Variants in LIPH observed in about 807,000 individuals in gnomAD.
The protein encoded by LIPH is lipase member H.
In LIPH, 32 loss-of-function variants were observed where a neutral mutation model predicts 47.6. The observed-to-expected ratio is 0.67, with a 90% CI of 0.51 to 0.90. The LOEUF is 0.90. Ranked by LOEUF, LIPH falls within the 40% of genes least tolerant of loss-of-function variation. The probability of loss-of-function intolerance (pLI) is 0.00; values close to 1 mark genes in which losing one functional copy is unlikely to be tolerated. For missense variants in LIPH, 497 were observed against 541.4 expected (o/e 0.92, Z 0.81); for synonymous variants, 190 against 195.6 (o/e 0.97, Z 0.24).
At position 185,533,610 on chromosome 3, in the gene LIPH, C is replaced by G; in HGVS notation, c.487G>C (p.Val163Leu). The stretch of plus-strand genomic sequence containing the variant: ...AGCCATCCATCGTACATCTCTCCAA[C>G]AAACCCAGATATGTGGGCTCCTAGA... Reference protein sequence around the residue: ...VSLGAHISGFVGEMYDGWLGR... With the variant: ...VSLGAHISGFLGEMYDGWLGR... The change falls in exon 3 of 10, where the codon GTT becomes CTT. Residue 163 changes from valine (V) to leucine (L), a missense_variant. Physicochemically the swap from Val to Leu is conservative, Grantham distance 32. Coordinates refer to ENST00000296252, the MANE Select transcript of LIPH (RefSeq NM_139248.3). The G allele has an allele frequency of 6.2e-7, 1 of 1,613,996 alleles. No homozygotes were observed. Among genetic ancestry groups the G allele is most frequent in the Non-Finnish European group, 8.5e-7 (1 of 1,179,892 alleles).
At chr3:185,538,301 CTA>C (rs1720562766) in intron 1 of LIPH, among the ~76,000 whole-genome samples, 2 of 152,250 alleles carry the variant, frequency 1.3e-5, no homozygotes, top group South Asian at 4.1e-4. Context: ...ATCCTAGATT[CTA>C]TGTCAGGTGG....
At chr3:185,530,120 G>T (rs1036961807) in intron 3 of LIPH, among the ~76,000 whole-genome samples, 3 of 152,156 alleles carry the variant, frequency 2.0e-5, no homozygotes, top group African/African-American at 7.2e-5. Flanking sequence ...TGAGGCTGCA[G>T]TGTGCTGTGA....
chr3:185,544,862 A>C (rs1340540809), intron 1 of LIPH, among the ~76,000 whole-genome samples: 3 of 152,134 alleles, frequency 2.0e-5, no homozygotes, highest in Non-Finnish European at 4.4e-5. Context: ...TCAACCTGCT[A>C]GCATGTTCTG....
Position 185,514,509 on chromosome 3 carries a change from A to G in LIPH, c.995T>C (p.Phe332Ser), listed in dbSNP as rs756417269. 6.9e-6 allele frequency: 9 copies of G among 1,296,678 alleles called. No individual in the cohort carries two copies. The East Asian group carries it at 1.4e-4, about 20-fold the overall frequency. The allele number at this position is 1,296,678 out of a possible 1,614,324, so 80.3% of individuals were successfully genotyped here. A position where few individuals can be genotyped will look rare whatever the true frequency, so the allele number is the denominator to read the frequency against. ...CTTGTTCCATGTTATAATATCCACAAAGTAATGATACACTGCAAAACAGAG... is the reference window on the plus strand; with the variant it reads ...CTTGTTCCATGTTATAATATCCACAGAGTAATGATACACTGCAAAACAGAG... ...EESPFCMYHY[F>S]VDIITWNKNV... Residue 332 changes from phenylalanine to serine, a missense_variant, in exon 8 of 10, where the codon TTT becomes TCT. Physicochemically the swap from Phe to Ser is radical, Grantham distance 155 (BLOSUM62 -2). Transcript: ENST00000296252.
intron 1 of LIPH, among the ~76,000 whole-genome samples, chr3:185,536,760 A>T (rs371570978): frequency 6.6e-6 from 1 of 152,226 alleles, no homozygotes; most frequent in African/African-American, 2.4e-5. Context: ...TGTTGGTTAC[A>T]CTTAAATTCA....
chr3:185,547,070 G>A (rs767314895), intron 1 of LIPH: 6 of 332,070 alleles, frequency 1.8e-5, no homozygotes, highest in Admixed American at 8.7e-5. Flanking sequence ...GAACCCGGGA[G>A]GCGGAGGTTG....
intron 1 of LIPH, among the ~76,000 whole-genome samples, chr3:185,544,620 G>C (rs1368812892): frequency 6.6e-6 from 1 of 152,184 alleles, no homozygotes; most frequent in African/African-American, 2.4e-5. Flanking sequence ...TGCCCAAGGT[G>C]CTGGGATTAC....
intron 1 of LIPH, among the ~76,000 whole-genome samples, chr3:185,537,070 A>G (rs1021507851): frequency 1.3e-5 from 2 of 152,274 alleles, no homozygotes; most frequent in East Asian, 3.9e-4. Context: ...TTTTTAGTAG[A>G]GACAGGGTTT....
chr3:185,537,296 C>G (rs1330093055), intron 1 of LIPH, among the ~76,000 whole-genome samples: 1 of 151,990 alleles, frequency 6.6e-6, no homozygotes, highest in Non-Finnish European at 1.5e-5. Flanking sequence ...GAGACTCTAG[C>G]TCTTAAAAAA....
At chr3:185,520,925 A>G (rs930305989) in intron 5 of LIPH, among the ~76,000 whole-genome samples, 4 of 145,488 alleles carry the variant, frequency 2.7e-5, no homozygotes, top group African/African-American at 1.0e-4. Flanking sequence ...GCTGGAGTGC[A>G]GTGGCATGAT....
At position 185,534,758 on chromosome 3, in the gene LIPH, C is replaced by A. The variant is rs745562135; in HGVS notation, c.417+7G>T. On this transcript the variant is annotated splice_region_variant and intron_variant, in intron 2 of 9. Coordinates refer to ENST00000296252, the MANE Select transcript of LIPH (RefSeq NM_139248.3). ...TAGCTCTGAATCATCTAAGAGAATT[C>A]TCTTACCAACATCTGGTCAATAAAT... is the stretch of plus-strand genomic sequence containing the variant. The A allele has an allele frequency of 1.9e-6, 3 of 1,612,944 alleles. No homozygotes were observed. The highest frequency in any genetic ancestry group is 2.7e-5 in the African/African-American group (2 of 74,914).
At chr3:185,547,129 A>C (rs1358029737) in intron 1 of LIPH, among the ~76,000 whole-genome samples, 1 of 148,026 alleles carries the variant, frequency 6.8e-6, no homozygotes, top group Non-Finnish European at 1.5e-5. Flanking sequence ...TGACAGAAAG[A>C]CTCCGTCTCA....
chr3:185,533,625 G>T lies in LIPH; in HGVS notation c.472C>A (p.His158Asn). 2.5e-6 allele frequency: 4 copies of T among 1,613,924 alleles called. No individual in the cohort carries two copies. The highest frequency in any genetic ancestry group is 3.4e-6 in the Non-Finnish European group (4 of 1,179,904). Residue 158 changes from histidine to asparagine, a missense_variant, in exon 3 of 10, where the codon CAC becomes AAC. Transcript: ENST00000296252. ...IYMIGVSLGA[H>N]ISGFVGEMYD... ...ATCTCTCCAACAAACCCAGATATGT[G>T]GGCTCCTAGACTTACTCCGATCATG...
chr3:185,525,796 A>G (rs990487463), intron 4 of LIPH, among the ~76,000 whole-genome samples: 3 of 152,244 alleles, frequency 2.0e-5, no homozygotes, highest in African/African-American at 7.2e-5. Flanking sequence ...TGTACTTTGC[A>G]AACTTCATAG....
chr3:185,547,232 C>CATGT (rs1720904265), intron 1 of LIPH, among the ~76,000 whole-genome samples: 2 of 151,996 alleles, frequency 1.3e-5, no homozygotes, highest in Admixed American at 1.3e-4. Context: ...ACCTACATTA[C>CATGT]AGAAGTGAAA....
chr3:185,535,067 G>C lies in LIPH; in HGVS notation c.115C>G (p.Leu39Val). The C allele has an allele frequency of 1.2e-6, 2 of 1,614,024 alleles. No homozygotes were observed. The highest frequency in any genetic ancestry group is 1.7e-6 in the Non-Finnish European group (2 of 1,179,980). ...SFHSAVVGTG[L>V]NVRLMLYTRK... ...GTGTAGAGCATCAGCCTCACATTTA[G>C]TCCCGTACCAACCACTGCACTGTGA... The change falls in exon 2 of 10, where the codon CTA becomes GTA. Residue 39 changes from leucine (L) to valine (V), a missense_variant. Coordinates refer to ENST00000296252, the MANE Select transcript of LIPH (RefSeq NM_139248.3).
Position 185,537,954 on chromosome 3 carries a change from A to G in LIPH, c.50-2822T>C, listed in dbSNP as rs1263389852. Among the ~76,000 whole-genome samples the G allele has an allele frequency of 2.0e-5, 3 of 152,072 alleles. No homozygotes were observed. The East Asian group carries it at 5.8e-4, about 29-fold the overall frequency. On this transcript the variant is annotated intron_variant, in intron 1 of 9. Transcript: ENST00000296252. ...CCCAAGTAGCTGGGGCTACAGGTGCACATCACCATGTCTGGCTAATTTTTA... is the reference window on the plus strand; with the variant it reads ...CCCAAGTAGCTGGGGCTACAGGTGCGCATCACCATGTCTGGCTAATTTTTA...
Position 185,552,441 on chromosome 3 carries a change from A to G in LIPH, c.31T>C (p.Leu11=), listed in dbSNP as rs1207548886. MLRFYLFISL[L]CLSRSDAEET... ...AACCTACCTGATCTTGACAAGCACAACAAACTGATGAATAAGTAGAATCTC... is the reference window on the plus strand; with the variant it reads ...AACCTACCTGATCTTGACAAGCACAGCAAACTGATGAATAAGTAGAATCTC... The change falls in exon 1 of 10, where the codon TTG becomes CTG. Residue 11 remains leucine (L), a synonymous_variant. Coordinates refer to ENST00000296252, the MANE Select transcript of LIPH (RefSeq NM_139248.3). The G allele has an allele frequency of 1.2e-6, 2 of 1,609,252 alleles. No individual in the cohort carries two copies. The highest frequency in any genetic ancestry group is 4.5e-5 in the East Asian group (2 of 44,878).
intron 8 of LIPH, among the ~76,000 whole-genome samples, chr3:185,512,704 G>A (rs558792285): frequency 6.6e-6 from 1 of 151,806 alleles, no homozygotes; most frequent in South Asian, 2.1e-4. Context: ...GGCCAGGCTG[G>A]TCTTGAACTC....
Sources: gnomAD v4.1 joint callset for allele counts (sites outside exome capture counted in the v4.1 genomes callset) on GRCh38, gnomAD v4.1.1 for gene constraint, MANE v1.5 for transcripts, NCBI Gene and HGNC (gene_info 2026-07-23, HGNC 2026-07-21) for gene names.